The following RASL11A variants were observed in gnomAD, a reference collection of about 807,000 sequenced individuals.
The protein encoded by RASL11A is ras-like protein family member 11A.
In RASL11A, 14 loss-of-function variants were observed where a neutral mutation model predicts 17.1. The ratio of observed to expected loss-of-function variants is 0.82; its 90% CI spans 0.54 to 1.28. The LOEUF (loss-of-function observed/expected upper bound fraction) is 1.28, where lower values mean the gene tolerates loss of function less well. Among genes scored for constraint, RASL11A ranks in the 50% most tolerant of loss-of-function variants. The pLI is 0.00. For missense variants in RASL11A, 283 were observed against 312.3 expected (o/e 0.91, Z 0.71); for synonymous variants, 146 against 132.5 (o/e 1.10, Z -0.70).
chr13:27,270,940 GCTC>G lies in RASL11A; in HGVS notation c.-3_-1del. ...GATTGCGCGCCGGACCCCGGGACGC[GCTC>G]CATGCGGCCGCTCAGCATGTCCGGG... On this transcript the variant is annotated 5_prime_UTR_variant, in exon 1 of 4. Coordinates refer to ENST00000241463, the MANE Select transcript of RASL11A (RefSeq NM_206827.2). 6.3e-7 allele frequency: 1 copy of G among 1,588,036 alleles called. No homozygotes were observed. The highest frequency in any genetic ancestry group is 8.6e-7 in the Non-Finnish European group (1 of 1,168,202).
At chr13:27,272,928 C>A (rs1350731663) in intron 3 of RASL11A, 99 bp from the exon 4 acceptor site, 2 of 936,132 alleles carry the variant, frequency 2.1e-6, no homozygotes, top group African/African-American at 1.7e-5. Context: ...TTAGAGATTT[C>A]TTTTTCAAGT....
At position 27,275,141 on chromosome 13, in the gene RASL11A, T is replaced by C. The variant is rs1053700830; in HGVS notation, c.*1647T>C. Among the ~76,000 whole-genome samples, 7 of 152,224 alleles carry C rather than the reference T, an allele frequency of 4.6e-5. No individual in the cohort carries two copies. The highest frequency in any genetic ancestry group is 4.4e-5 in the Non-Finnish European group (3 of 68,044). On this transcript the variant is annotated 3_prime_UTR_variant, in exon 4 of 4. Coordinates refer to ENST00000241463, the MANE Select transcript of RASL11A (RefSeq NM_206827.2). ...GGTTAAGAAAATTAGATGATGCATG[T>C]CTAAAAGAGTGTCCAAATAAAATAT...
At chr13:27,272,981 C>A in intron 3 of RASL11A, 46 bp from the exon 4 acceptor site, 1 of 1,496,204 alleles carries the variant, frequency 6.7e-7, no homozygotes, top group Non-Finnish European at 9.3e-7. Flanking sequence ...AGTTTATCTC[C>A]CACTGAGGGT....
chr13:27,271,400 T>C, intron 1 of RASL11A, 84 bp from the exon 2 acceptor site: 3 of 1,579,768 alleles, frequency 1.9e-6, no homozygotes, highest in Non-Finnish European at 2.6e-6. Context: ...TTCTGCACCC[T>C]TCACTCCCCC....
intron 1 of RASL11A, 139 bp from the exon 2 acceptor site, chr13:27,271,345 G>A: frequency 6.6e-7 from 1 of 1,504,472 alleles, no homozygotes; most frequent in Non-Finnish European, 8.9e-7. Context: ...CAAGCCCGCG[G>A]CACCACGGCT....
chr13:27,271,511 G>A lies in RASL11A; in HGVS notation c.152G>A (p.Arg51Lys). 1 of 1,614,248 alleles carries A rather than the reference G, an allele frequency of 6.2e-7. No individual in the cohort carries two copies. The highest frequency in any genetic ancestry group is 8.5e-7 in the Non-Finnish European group (1 of 1,180,036). The change falls in exon 2 of 4, where the codon AGA becomes AAA. Residue 51 changes from arginine to lysine, a missense_variant. Arg to Lys is a conservative substitution (Grantham distance 26, BLOSUM62 2). Transcript: ENST00000241463. Reference sequence around the variant, plus strand: ...ATGATCGTGCGCTTCCTGACCAAGAGATTCATTGGAGACTATGAACCGAAT... The same window carrying A: ...ATGATCGTGCGCTTCCTGACCAAGAAATTCATTGGAGACTATGAACCGAAT... The part of the protein sequence containing the change: ...SAMIVRFLTK[R>K]FIGDYEPNTG...
chr13:27,273,263 C>G lies in RASL11A; in HGVS notation c.498C>G (p.Ala166=). The change falls in exon 4 of 4, where the codon GCC becomes GCG. Residue 166 remains alanine, a synonymous_variant. Coordinates refer to ENST00000241463, the MANE Select transcript of RASL11A (RefSeq NM_206827.2). ...QVQTQDGIQL[A]NELGSLFLEI... is the part of the protein sequence containing the mutation. ...AGACACAGGACGGTATTCAGCTAGC[C>G]AATGAGCTGGGCAGCCTGTTCCTTG... 3 of 1,614,216 alleles carry G rather than the reference C, an allele frequency of 1.9e-6. No individual in the cohort carries two copies. The highest frequency in any genetic ancestry group is 2.5e-6 in the Non-Finnish European group (3 of 1,180,034).
Position 27,274,686 on chromosome 13 carries a change from C to T in RASL11A, c.*1192C>T, listed in dbSNP as rs1882427709. Among the ~76,000 whole-genome samples, 1 of 152,224 alleles carries T rather than the reference C, an allele frequency of 6.6e-6. No homozygotes were observed. Among genetic ancestry groups the T allele is most frequent in the African/African-American group, 2.4e-5 (1 of 41,464 alleles). On this transcript the variant is annotated 3_prime_UTR_variant, in exon 4 of 4. Coordinates refer to ENST00000241463, the MANE Select transcript of RASL11A (RefSeq NM_206827.2). ...CTGAAATGCCTTCTCTGGTCTTCCT[C>T]TATTCCTGGAGCATTTGTGTTATAA...
chr13:27,271,432 G>A (rs2137924875), intron 1 of RASL11A, 52 bp from the exon 2 acceptor site: 4 of 1,608,508 alleles, frequency 2.5e-6, no homozygotes, highest in South Asian at 2.2e-5. Flanking sequence ...AGGTGCCTGG[G>A]TTTGACAGGC....
chr13:27,272,364 C>T (rs111265115), intron 3 of RASL11A, among the ~76,000 whole-genome samples: 3,098 of 152,252 alleles, frequency 0.02, 124 homozygotes, highest in African/African-American at 0.071. Context: ...AACTCCTGAC[C>T]TCAAGTGATC....
In RASL11A at chr13:27,271,073, G is replaced by A; in HGVS notation, c.124+5G>A. On this transcript the variant is annotated splice_donor_5th_base_variant and intron_variant, in intron 1 of 3. Transcript: ENST00000241463. The stretch of plus-strand genomic sequence containing the variant: ...CCGGCCGCGTGGGCAAGAGCGGTGA[G>A]TGCGGCGGGGACCCCCGGGCGGCTT... 1 of 1,562,946 alleles carries A rather than the reference G, an allele frequency of 6.4e-7. No homozygotes were observed. The highest frequency in any genetic ancestry group is 1.9e-5 in the Admixed American group (1 of 53,356).
At position 27,270,939 on chromosome 13, in the gene RASL11A, CGCTCCATGCGGCCGCTCA is replaced by C; in HGVS notation, c.-3_15del. ...GGATTGCGCGCCGGACCCCGGGACG[CGCTCCATGCGGCCGCTCA>C]GCATGTCCGGGCACTTTCTGCTCGC... On this transcript the variant is annotated start_lost and 5_prime_UTR_variant, in exon 1 of 4. Transcript: ENST00000241463. 1 of 1,587,300 alleles carries C rather than the reference CGCTCCATGCGGCCGCTCA, an allele frequency of 6.3e-7. No homozygotes were observed. Among genetic ancestry groups the C allele is most frequent in the Non-Finnish European group, 8.6e-7 (1 of 1,167,802 alleles).
rs1400099934 is a variant in RASL11A, at chr13:27,273,745, A to G, written c.*251A>G. ...TACTGTAACTGCTGGCCACTTTTCC[A>G]TTAAAGGCAAAATGGCAACATTGCT... On this transcript the variant is annotated 3_prime_UTR_variant, in exon 4 of 4. Coordinates refer to ENST00000241463, the MANE Select transcript of RASL11A (RefSeq NM_206827.2). The G allele has an allele frequency of 6.2e-6, 2 of 321,186 alleles. No homozygotes were observed. Among genetic ancestry groups the G allele is most frequent in the Non-Finnish European group, 5.1e-6 (1 of 195,382 alleles). 19.9% of individuals were successfully genotyped at this position (321,186 alleles called of 1,614,324 possible).
chr13:27,273,168 C>T lies in RASL11A; in HGVS notation c.403C>T (p.His135Tyr), dbSNP rs1593268841. 6.2e-7 allele frequency: 1 copy of T among 1,614,214 alleles called. No individual in the cohort carries two copies. The highest frequency in any genetic ancestry group is 1.6e-4 in the Middle Eastern group (1 of 6,062). Residue 135 changes from histidine (H) to tyrosine (Y), a missense_variant, in exon 4 of 4, where the codon CAC becomes TAC. Transcript: ENST00000241463. ...CCTTTATCAGCACATCCGGAAGGTCCACCCTGACTCTAAAGCCCCTGTCAT... is the reference window on the plus strand; with the variant it reads ...CCTTTATCAGCACATCCGGAAGGTCTACCCTGACTCTAAAGCCCCTGTCAT... ...RPLYQHIRKV[H>Y]PDSKAPVIIV...
At position 27,274,103 on chromosome 13, in the gene RASL11A, C is replaced by T. The variant is rs955101846; in HGVS notation, c.*609C>T. 6.6e-6 allele frequency among the ~76,000 whole-genome samples: 1 copy of T among 152,144 alleles called. No homozygotes were observed. The highest frequency in any genetic ancestry group is 1.5e-5 in the Non-Finnish European group (1 of 68,016). On this transcript the variant is annotated 3_prime_UTR_variant, in exon 4 of 4. Coordinates refer to ENST00000241463, the MANE Select transcript of RASL11A (RefSeq NM_206827.2). ...ATACTCTACCCATATTAAAAAACAA[C>T]CCCTTTTCTAGTATTCCTTATGTCA...
At position 27,273,675 on chromosome 13, in the gene RASL11A, G is replaced by A. The variant is rs372585408; in HGVS notation, c.*181G>A. The A allele has an allele frequency of 1.6e-5, 1 of 60,916 alleles. No individual in the cohort carries two copies. The highest frequency in any genetic ancestry group is 8.5e-5 in the African/African-American group (1 of 11,826). 3.8% of individuals were successfully genotyped at this position (60,916 alleles called of 1,614,324 possible). A position where few individuals can be genotyped will look rare whatever the true frequency, so the allele number is the denominator to read the frequency against. The stretch of plus-strand genomic sequence containing the variant: ...TAGAAGCTGGATAAAATTTTGTTTT[G>A]TTTTATTAAAAGAACTTTTTTTTTT... On this transcript the variant is annotated 3_prime_UTR_variant, in exon 4 of 4. Transcript: ENST00000241463.
chr13:27,271,542 T>G lies in RASL11A; in HGVS notation c.181+2T>G, dbSNP rs764951954. On this transcript the variant is annotated splice_donor_variant, in intron 2 of 3. Transcript: ENST00000241463. LOFTEE classifies it high-confidence loss of function. ...TTGGAGACTATGAACCGAATACAGGTGAGAATACTTTCACGCTCCCTGCTT... is the reference window on the plus strand; with the variant it reads ...TTGGAGACTATGAACCGAATACAGGGGAGAATACTTTCACGCTCCCTGCTT... 1.2e-6 allele frequency: 2 copies of G among 1,614,076 alleles called. No individual in the cohort carries two copies. The highest frequency in any genetic ancestry group is 8.5e-7 in the Non-Finnish European group (1 of 1,179,908).
At position 27,273,258 on chromosome 13, in the gene RASL11A, C is replaced by T. The variant is rs1392945343; in HGVS notation, c.493C>T (p.Leu165=). Residue 165 remains leucine, a synonymous_variant, in exon 4 of 4, where the codon CTA becomes TTA. Transcript: ENST00000241463. ...RQVQTQDGIQ[L]ANELGSLFLE... is the part of the protein sequence containing the mutation. ...GGTGCAGACACAGGACGGTATTCAG[C>T]TAGCCAATGAGCTGGGCAGCCTGTT... is the stretch of plus-strand genomic sequence containing the variant. 6.2e-7 allele frequency: 1 copy of T among 1,614,198 alleles called. No homozygotes were observed. The highest frequency in any genetic ancestry group is 2.2e-5 in the East Asian group (1 of 44,882).
In RASL11A at chr13:27,271,711, G is replaced by T. The variant is rs748392058; in HGVS notation, c.254G>T (p.Gly85Val). 6 of 1,608,560 alleles carry T rather than the reference G, an allele frequency of 3.7e-6. No homozygotes were observed. The highest frequency in any genetic ancestry group is 4.2e-4 in the Middle Eastern group (2 of 4,744). Residue 85 changes from glycine to valine, a missense_variant, in exon 3 of 4, where the codon GGC becomes GTC. Transcript: ENST00000241463. ...CTGCAGATCCAGGATACTCCCGGGG[G>T]CGTCCAGGTAAGAACCGCCAGGGGC... is the stretch of plus-strand genomic sequence containing the variant. ...LSLQIQDTPG[G>V]VQIQDSLPQV...
Sources: allele counts gnomAD v4.1 joint callset (sites outside exome capture counted in the v4.1 genomes callset), GRCh38; gene constraint gnomAD v4.1.1; transcripts MANE v1.5; gene names NCBI Gene and HGNC (gene_info 2026-07-23, HGNC 2026-07-21).